The following UBE4B variants were observed in gnomAD, a reference collection of about 807,000 sequenced individuals.
UBE4B encodes the protein ubiquitin conjugation factor E4 B.
Under a neutral mutation model 148.1 loss-of-function variants are expected in UBE4B, and 27 were observed. That is an observed-to-expected ratio of 0.18 (90% CI 0.13 to 0.25). The LOEUF (loss-of-function observed/expected upper bound fraction) is 0.25, where lower values mean the gene tolerates loss of function less well. UBE4B is among the 10% of genes least tolerant of loss of function. The pLI is 1.00. For synonymous variants in UBE4B, 596 were observed against 619.3 expected (o/e 0.96, Z 0.56); for missense variants, 1,170 against 1,662.4 (o/e 0.70, Z 5.15).
intron 21 of UBE4B, among the ~76,000 whole-genome samples, chr1:10,155,765 G>A (rs1342688123): frequency 6.6e-6 from 1 of 152,234 alleles, no homozygotes; most frequent in Non-Finnish European, 1.5e-5. Flanking sequence ...GCTCACGCCT[G>A]TAATCCTAGC....
chr1:10,146,605 G>A (rs888192961), intron 18 of UBE4B, among the ~76,000 whole-genome samples: 31 of 152,134 alleles, frequency 2.0e-4, no homozygotes, highest in African/African-American at 7.2e-4. Context: ...AGGCGACACT[G>A]GAATTCAGAC....
chr1:10,152,997 G>A (rs1344820151), intron 21 of UBE4B, among the ~76,000 whole-genome samples: 1 of 151,974 alleles, frequency 6.6e-6, no homozygotes, highest in East Asian at 1.9e-4. Context: ...TCTCTCGGGG[G>A]TTGTGCACGG....
intron 1 of UBE4B, among the ~76,000 whole-genome samples, chr1:10,046,033 G>C (rs747397550): frequency 6.6e-5 from 10 of 152,216 alleles, no homozygotes; most frequent in Admixed American, 1.3e-4. Flanking sequence ...GGTGCCTTCT[G>C]TCTTGTACCT....
chr1:10,086,583 A>T (rs1056557770), intron 2 of UBE4B, among the ~76,000 whole-genome samples: 1 of 152,236 alleles, frequency 6.6e-6, no homozygotes, highest in African/African-American at 2.4e-5. Context: ...TTAACAAGTA[A>T]TGTCAATATA....
intron 8 of UBE4B, among the ~76,000 whole-genome samples, chr1:10,118,067 C>T (rs1182859595): frequency 6.6e-6 from 1 of 152,166 alleles, no homozygotes; most frequent in Non-Finnish European, 1.5e-5. Context: ...AAATGACTCT[C>T]AGAGAGATTA....
At chr1:10,176,107 C>T (rs984327712) in intron 25 of UBE4B, among the ~76,000 whole-genome samples, 13 of 152,182 alleles carry the variant, frequency 8.5e-5, no homozygotes, top group African/African-American at 3.1e-4. Flanking sequence ...CAGTGTGTAA[C>T]CTTCTATGTC....
intron 19 of UBE4B, among the ~76,000 whole-genome samples, chr1:10,147,507 G>A (rs893531829): frequency 3.9e-5 from 6 of 152,022 alleles, no homozygotes; most frequent in African/African-American, 7.2e-5. Context: ...CAAAAAAAAA[G>A]ATAATTCACT....
chr1:10,085,223 G>A (rs1265383741), intron 2 of UBE4B, among the ~76,000 whole-genome samples: 3 of 152,114 alleles, frequency 2.0e-5, no homozygotes, highest in Non-Finnish European at 4.4e-5. Context: ...GCCACACCCT[G>A]GCCTGTCACC....
At chr1:10,140,784 C>T (rs931783780) in intron 17 of UBE4B, among the ~76,000 whole-genome samples, 8 of 152,208 alleles carry the variant, frequency 5.3e-5, no homozygotes, top group African/African-American at 1.4e-4. Context: ...TGTGTATATG[C>T]GTATTGGAAA....
At chr1:10,126,357 A>AG in intron 10 of UBE4B, among the ~76,000 whole-genome samples, 1 of 151,874 alleles carries the variant, frequency 6.6e-6, no homozygotes, top group Admixed American at 6.6e-5. Flanking sequence ...ATAGATAGAA[A>AG]GGAGGAAATA....
intron 7 of UBE4B, among the ~76,000 whole-genome samples, chr1:10,112,423 G>A (rs938877771): frequency 1.3e-5 from 2 of 151,636 alleles, no homozygotes; most frequent in African/African-American, 2.4e-5. Context: ...TGTTTTAGAC[G>A]GAGTCTCGCT....
At chr1:10,048,702 G>C (rs77120689) in intron 1 of UBE4B, among the ~76,000 whole-genome samples, 1 of 152,286 alleles carries the variant, frequency 6.6e-6, no homozygotes, top group East Asian at 1.9e-4. Flanking sequence ...GGGATTTGGC[G>C]ACATGGAGGC....
intron 2 of UBE4B, among the ~76,000 whole-genome samples, chr1:10,074,589 C>T (rs534162443): frequency 1.3e-5 from 2 of 152,182 alleles, no homozygotes; most frequent in Admixed American, 6.5e-5. Flanking sequence ...TGCTCTGAGT[C>T]ACTGTCTGGT....
chr1:10,083,273 A>G (rs1463631027), intron 2 of UBE4B, among the ~76,000 whole-genome samples: 3 of 152,176 alleles, frequency 2.0e-5, no homozygotes, highest in Non-Finnish European at 4.4e-5. Flanking sequence ...CTGTGGGGCA[A>G]TCTTTGCAGA....
chr1:10,130,562 G>A lies in UBE4B; in HGVS notation c.1758G>A (p.Gln586=), dbSNP rs1645576772. 1 of 1,614,198 alleles carries A rather than the reference G, an allele frequency of 6.2e-7. No individual in the cohort carries two copies. The highest frequency in any genetic ancestry group is 8.5e-7 in the Non-Finnish European group (1 of 1,180,050). ...GTCCTGGCTGTGGGCGGGAGCTGCA[G>A]AGACTCTCTTACTTAGGGGCTTTCT... ...SLSPGCGREL[Q]RLSYLGAFFS... Residue 586 remains glutamine (Q), a synonymous_variant, in exon 13 of 28, where the codon CAG becomes CAA. Transcript: ENST00000343090.
chr1:10,089,187 A>G (rs1295397917), intron 2 of UBE4B, among the ~76,000 whole-genome samples: 3 of 151,966 alleles, frequency 2.0e-5, no homozygotes, highest in Admixed American at 6.6e-5. Context: ...TTGTATTTTT[A>G]GTAGAGACAG....
At chr1:10,138,268 T>G (rs567725265) in intron 17 of UBE4B, among the ~76,000 whole-genome samples, 108 of 152,142 alleles carry the variant, frequency 7.1e-4, no homozygotes, top group Non-Finnish European at 1.2e-3. Flanking sequence ...CAGCTAATTT[T>G]TTGTATTTTT....
intron 1 of UBE4B, 43 bp from the exon 2 acceptor site, chr1:10,071,985 C>G (rs991296144): frequency 8.0e-6 from 12 of 1,506,454 alleles, no homozygotes; most frequent in Non-Finnish European, 1.1e-5. Context: ...AATTGTGTTT[C>G]TGCTGATTAG....
chr1:10,062,011 G>A (rs1384138285), intron 1 of UBE4B, among the ~76,000 whole-genome samples: 1 of 151,176 alleles, frequency 6.6e-6, no homozygotes, highest in East Asian at 2.0e-4. Context: ...CTGGGTTAAA[G>A]CTTTTCTTCT....
Sources: allele counts gnomAD v4.1 joint callset (sites outside exome capture counted in the v4.1 genomes callset), GRCh38; gene constraint gnomAD v4.1.1; transcripts MANE v1.5; gene names NCBI Gene and HGNC (gene_info 2026-07-23, HGNC 2026-07-21).